The following ADAMTSL3 variants were observed in gnomAD, a reference collection of about 807,000 sequenced individuals.
The protein encoded by ADAMTSL3 is ADAMTS-like protein 3.
A neutral mutation model predicts 201.7 loss-of-function variants in ADAMTSL3; 128 were observed. That is an observed-to-expected ratio of 0.63 (90% confidence interval 0.55 to 0.73). ADAMTSL3 has a LOEUF of 0.73. Ranked by LOEUF, ADAMTSL3 falls within the 30% of genes least tolerant of loss-of-function variation. The pLI, the probability that ADAMTSL3 is intolerant of heterozygous loss-of-function variation, is 0.00. For missense variants in ADAMTSL3, 1,990 were observed against 2,119.6 expected (o/e 0.94, Z 1.20); for synonymous variants, 738 against 748.4 (o/e 0.99, Z 0.23).
intron 3 of ADAMTSL3, among the ~76,000 whole-genome samples, chr15:83,733,219 C>T (rs1317956175): frequency 6.6e-6 from 1 of 152,120 alleles, no homozygotes; most frequent in Non-Finnish European, 1.5e-5. Context: ...TACTATACAC[C>T]AACCCTCTGC....
chr15:83,946,449 C>A (rs901102169), intron 19 of ADAMTSL3, among the ~76,000 whole-genome samples: 9 of 152,198 alleles, frequency 5.9e-5, no homozygotes, highest in Non-Finnish European at 1.0e-4. Flanking sequence ...ACTTTTAAAT[C>A]ACAGTGACCC....
intron 16 of ADAMTSL3, 37 bp from the exon 17 acceptor site, chr15:83,923,867 C>A (rs1457581695): frequency 6.2e-7 from 1 of 1,609,534 alleles, no homozygotes; most frequent in Non-Finnish European, 8.5e-7. Context: ...TAAATTATTC[C>A]ATGTCATTTG....
intron 16 of ADAMTSL3, among the ~76,000 whole-genome samples, chr15:83,919,080 G>A (rs1334380549): frequency 2.6e-5 from 4 of 152,134 alleles, no homozygotes; most frequent in Non-Finnish European, 5.9e-5. Context: ...GTTCATTTGT[G>A]AACATAATGC....
At chr15:83,857,756 C>A (rs1223457222) in intron 7 of ADAMTSL3, among the ~76,000 whole-genome samples, 1 of 152,126 alleles carries the variant, frequency 6.6e-6, no homozygotes, top group Admixed American at 6.5e-5. Context: ...ACTAGTCAAT[C>A]AATATATTGA....
In ADAMTSL3 at chr15:84,037,872, G is replaced by A. The variant is rs1384345496; in HGVS notation, c.*66G>A. ...AGAATATAAAAGCTCTTTTCCCCATGTCGCTGATTCAAAAACATGTATTTC... is the reference window on the plus strand; with the variant it reads ...AGAATATAAAAGCTCTTTTCCCCATATCGCTGATTCAAAAACATGTATTTC... On this transcript the variant is annotated 3_prime_UTR_variant, in exon 30 of 30. Transcript: ENST00000286744. 1 of 1,534,796 alleles carries A rather than the reference G, an allele frequency of 6.5e-7. No individual in the cohort carries two copies. The highest frequency in any genetic ancestry group is 8.7e-7 in the Non-Finnish European group (1 of 1,146,752).
intron 3 of ADAMTSL3, among the ~76,000 whole-genome samples, chr15:83,752,846 A>G (rs2062658986): frequency 6.6e-6 from 1 of 152,190 alleles, no homozygotes; most frequent in African/African-American, 2.4e-5. Flanking sequence ...CTCTGCCAAA[A>G]TTATAGAGAC....
intron 3 of ADAMTSL3, among the ~76,000 whole-genome samples, chr15:83,707,566 G>C (rs1279816541): frequency 6.6e-6 from 1 of 152,088 alleles, no homozygotes; most frequent in Non-Finnish European, 1.5e-5. Context: ...AACATTTCTA[G>C]CACCCTAGGA....
intron 15 of ADAMTSL3, 89 bp from the exon 16 acceptor site, chr15:83,913,003 G>A (rs984303195): frequency 1.9e-5 from 26 of 1,390,242 alleles, no homozygotes; most frequent in Non-Finnish European, 2.5e-5. Context: ...GGTTATTTTT[G>A]CCTTCGTTGA....
chr15:84,014,934 TTGTGTGTGTG>T (rs1049881777), intron 24 of ADAMTSL3, among the ~76,000 whole-genome samples: 1 of 142,562 alleles, frequency 7.0e-6, no homozygotes, highest in African/African-American at 2.7e-5. Context: ...ATGTTAGTGT[TTGTGTGTGTG>T]TGTGTGTGAT....
chr15:83,768,610 A>G (rs2062929143), intron 3 of ADAMTSL3, among the ~76,000 whole-genome samples: 1 of 152,204 alleles, frequency 6.6e-6, no homozygotes, highest in Non-Finnish European at 1.5e-5. Flanking sequence ...AAGCTTGAGA[A>G]GGACTCTTCT....
chr15:83,711,959 A>G (rs1486090808), intron 3 of ADAMTSL3, among the ~76,000 whole-genome samples: 1 of 152,170 alleles, frequency 6.6e-6, no homozygotes, highest in Non-Finnish European at 1.5e-5. Context: ...ACAGACCCAA[A>G]TGGATCTTTC....
intron 3 of ADAMTSL3, among the ~76,000 whole-genome samples, chr15:83,714,036 T>A (rs542546049): frequency 6.6e-6 from 1 of 152,212 alleles, no homozygotes; most frequent in Non-Finnish European, 1.5e-5. Context: ...TATGGATACC[T>A]GAGGCCAGGC....
intron 4 of ADAMTSL3, among the ~76,000 whole-genome samples, chr15:83,789,403 C>T (rs2063311057): frequency 6.6e-6 from 1 of 151,984 alleles, no homozygotes; most frequent in Non-Finnish European, 1.5e-5. Flanking sequence ...CTTGCATAGT[C>T]TCAGTTCCTC....
At chr15:83,676,111 T>G (rs1319998187) in intron 2 of ADAMTSL3, among the ~76,000 whole-genome samples, 5 of 152,168 alleles carry the variant, frequency 3.3e-5, no homozygotes, top group African/African-American at 1.2e-4. Flanking sequence ...AATTTTGCTC[T>G]TTATTATTTT....
At chr15:83,879,263 CT>C (rs1315503163) in intron 9 of ADAMTSL3, among the ~76,000 whole-genome samples, 6 of 152,094 alleles carry the variant, frequency 3.9e-5, no homozygotes, top group African/African-American at 9.7e-5. Flanking sequence ...ATATCTGCCC[CT>C]ATCTTTATTA....
chr15:83,962,071 A>C (rs1016421188), intron 19 of ADAMTSL3: 3 of 152,094 alleles, frequency 2.0e-5, no homozygotes, highest in Non-Finnish European at 4.4e-5. Flanking sequence ...TTTCCCTCAT[A>C]CTGTTCTCGT....
In ADAMTSL3 at chr15:83,774,604, G is replaced by A. The variant is rs147203610; in HGVS notation, c.317+954G>A. ...TACTGTGGTAGCATTCCCCCAGGGCGAGTTCTAACTCAGAGCATGGAAGCT... is the reference window on the plus strand; with the variant it reads ...TACTGTGGTAGCATTCCCCCAGGGCAAGTTCTAACTCAGAGCATGGAAGCT... On this transcript the variant is annotated intron_variant, in intron 4 of 29. Coordinates refer to ENST00000286744, the MANE Select transcript of ADAMTSL3 (RefSeq NM_207517.3). Among the ~76,000 whole-genome samples the A allele has an allele frequency of 3.8e-3, 582 of 152,306 alleles. 4 individuals carry two copies. The highest frequency in any genetic ancestry group is 9.5e-3 in the South Asian group (46 of 4,828).
chr15:83,679,381 G>A (rs1010401608), intron 2 of ADAMTSL3, among the ~76,000 whole-genome samples: 5 of 152,022 alleles, frequency 3.3e-5, no homozygotes, highest in East Asian at 1.9e-4. Flanking sequence ...TTCCTAATTC[G>A]TAGTATAAAA....
intron 23 of ADAMTSL3, among the ~76,000 whole-genome samples, chr15:83,999,829 T>C (rs1452843298): frequency 6.6e-6 from 1 of 152,190 alleles, no homozygotes; most frequent in Non-Finnish European, 1.5e-5. Context: ...AGAATTTTAT[T>C]GATGTCTAGG....
Sources: allele counts gnomAD v4.1 joint callset (sites outside exome capture counted in the v4.1 genomes callset), GRCh38; gene constraint gnomAD v4.1.1; transcripts MANE v1.5; gene names NCBI Gene and HGNC (gene_info 2026-07-23, HGNC 2026-07-21).